The following SKI variants were observed in gnomAD, a reference collection of about 807,000 sequenced individuals.
SKI encodes the protein SKI proto-oncogene.
Under a neutral mutation model 59.3 loss-of-function variants are expected in SKI, and 23 were observed. That is an observed-to-expected ratio of 0.39 (90% CI 0.28 to 0.55). The LOEUF is 0.55. Among genes scored for constraint, SKI ranks in the 20% least tolerant of loss-of-function variants. The pLI, the probability that SKI is intolerant of heterozygous loss-of-function variation, is 0.67. For missense variants in SKI, 1,017 were observed against 1,038.9 expected, an observed-to-expected ratio of 0.98 and a Z score of 0.29; for synonymous variants, 673 against 488.6, an observed-to-expected ratio of 1.38 and a Z score of -4.98.
chr1:2,245,012 A>G (rs1260988166), intron 1 of SKI, among the ~76,000 whole-genome samples: 1 of 152,208 alleles, frequency 6.6e-6, no homozygotes, highest in African/African-American at 2.4e-5. Flanking sequence ...AGAACAGCTA[A>G]AACTGTAAAG....
At chr1:2,250,759 A>G (rs558312937) in intron 1 of SKI, among the ~76,000 whole-genome samples, 71 of 152,228 alleles carry the variant, frequency 4.7e-4, no homozygotes, top group Non-Finnish European at 9.1e-4. Flanking sequence ...CGCCCTCTTC[A>G]GTAGTTTACT....
chr1:2,256,779 A>G (rs892228955), intron 1 of SKI, among the ~76,000 whole-genome samples: 5 of 152,334 alleles, frequency 3.3e-5, no homozygotes, highest in African/African-American at 1.2e-4. Flanking sequence ...TGTGCCCTTC[A>G]GGAGCTTTCA....
rs528806895 is a variant in SKI, at chr1:2,269,010, A to G, written c.970-33968A>G. Among the ~76,000 whole-genome samples, 2 of 151,984 alleles carry G rather than the reference A, an allele frequency of 1.3e-5. No individual in the cohort carries two copies. Among genetic ancestry groups the G allele is most frequent in the African/African-American group, 4.8e-5 (2 of 41,418 alleles). ...TCTGTCACCCAGGCTGGAGTGCAGC[A>G]GCACAGTCTTGCGGCCTCAACCTTG... On this transcript the variant is annotated intron_variant, in intron 1 of 6. Transcript: ENST00000378536. This position sits in a 1 kb window ranked among gnomAD's most constrained non-coding sequence, Gnocchi z 4.7.
At chr1:2,306,332 G>A (rs1015449045) in intron 6 of SKI, 82 bp downstream of exon 6, 7 of 1,310,232 alleles carry the variant, frequency 5.3e-6, no homozygotes, top group South Asian at 1.5e-5. Flanking sequence ...CTGCCCAGCC[G>A]GAAAGGCCTT....
intron 1 of SKI, among the ~76,000 whole-genome samples, chr1:2,295,961 C>T (rs897736703): frequency 3.9e-5 from 6 of 152,100 alleles, no homozygotes; most frequent in Non-Finnish European, 5.9e-5. Flanking sequence ...AATTGCTGGG[C>T]GATGTAACTG....
Position 2,303,517 on chromosome 1 carries a change from C to A in SKI, c.1211+117C>A. 1 of 926,662 alleles carries A rather than the reference C, an allele frequency of 1.1e-6. No homozygotes were observed. The highest frequency in any genetic ancestry group is 1.7e-6 in the Non-Finnish European group (1 of 594,992). 57.4% of individuals were successfully genotyped at this position (926,662 alleles called of 1,614,324 possible). On this transcript the variant is annotated intron_variant, in intron 3 of 6. Transcript: ENST00000378536. The surrounding 1 kb of genome is among the most constrained non-coding windows in gnomAD (Gnocchi z 5.6). ...GTGCCCAGACCTGCCGCCTTTTGGTCAGGGCAGTCTCGGTGTTGGTTCCTT... is the reference window on the plus strand; with the variant it reads ...GTGCCCAGACCTGCCGCCTTTTGGTAAGGGCAGTCTCGGTGTTGGTTCCTT...
At chr1:2,263,530 C>T (rs561885902) in intron 1 of SKI, among the ~76,000 whole-genome samples, 1 of 151,766 alleles carries the variant, frequency 6.6e-6, no homozygotes, top group South Asian at 2.1e-4. Context: ...AGCCACTGCG[C>T]CTGCCAAGAA....
rs924682565 is a variant in SKI, at chr1:2,269,721, G to A, written c.970-33257G>A. 1.3e-5 allele frequency among the ~76,000 whole-genome samples: 2 copies of A among 152,240 alleles called. No homozygotes were observed. Among genetic ancestry groups the A allele is most frequent in the African/African-American group, 4.8e-5 (2 of 41,466 alleles). ...GACAGTGGGGACGTGGCTGTGCACCGGGCCCAGGGCTGGCAGGAGGCTGCT... is the reference window on the plus strand; with the variant it reads ...GACAGTGGGGACGTGGCTGTGCACCAGGCCCAGGGCTGGCAGGAGGCTGCT... On this transcript the variant is annotated intron_variant, in intron 1 of 6. Transcript: ENST00000378536. This position sits in a 1 kb window ranked among gnomAD's most constrained non-coding sequence, Gnocchi z 4.7.
intron 1 of SKI, among the ~76,000 whole-genome samples, chr1:2,231,062 A>G (rs1305426400): frequency 6.6e-6 from 1 of 152,106 alleles, no homozygotes; most frequent in Non-Finnish European, 1.5e-5. Context: ...CTGGGGAAGG[A>G]TGCTCGTGGC....
intron 1 of SKI, among the ~76,000 whole-genome samples, chr1:2,265,439 C>G (rs532563759): frequency 6.6e-6 from 1 of 152,264 alleles, no homozygotes; most frequent in African/African-American, 2.4e-5. Context: ...TGTTTCATCT[C>G]TAGAAGTTTG....
At chr1:2,243,349 G>T (rs1450693258) in intron 1 of SKI, among the ~76,000 whole-genome samples, 1 of 152,226 alleles carries the variant, frequency 6.6e-6, no homozygotes, top group Non-Finnish European at 1.5e-5. Flanking sequence ...CGTGCTCCTC[G>T]GCAGGGGGCC....
At chr1:2,259,252 G>A (rs1206461529) in intron 1 of SKI, among the ~76,000 whole-genome samples, 2 of 152,218 alleles carry the variant, frequency 1.3e-5, no homozygotes, top group Non-Finnish European at 2.9e-5. Flanking sequence ...GAGTAGGTGC[G>A]AGAGAGACCA....
At chr1:2,253,191 G>A (rs917739384) in intron 1 of SKI, among the ~76,000 whole-genome samples, 6 of 151,992 alleles carry the variant, frequency 3.9e-5, no homozygotes, top group Admixed American at 6.6e-5. Flanking sequence ...TCCAGCACCC[G>A]CCTGCAGCGC....
In SKI at chr1:2,306,565, G is replaced by T. The variant is rs989917230; in HGVS notation, c.1999-12G>T. 9 of 1,540,204 alleles carry T rather than the reference G, an allele frequency of 5.8e-6. No homozygotes were observed. The highest frequency in any genetic ancestry group is 4.8e-5 in the South Asian group (4 of 83,766). On this transcript the variant is annotated splice_polypyrimidine_tract_variant and intron_variant, in intron 6 of 6. Coordinates refer to ENST00000378536, the MANE Select transcript of SKI (RefSeq NM_003036.4). ...GCGAGCAGGCGCCGCTGACCACTCG[G>T]CTCCCTTTCAGATCGAAGACCTGCA...
chr1:2,239,838 A>T (rs1184289517), intron 1 of SKI, among the ~76,000 whole-genome samples: 1 of 152,194 alleles, frequency 6.6e-6, no homozygotes, highest in East Asian at 1.9e-4. Context: ...GTGCCTGGGC[A>T]GTGGCGCAGC....
At chr1:2,287,456 C>G (rs1472260521) in intron 1 of SKI, among the ~76,000 whole-genome samples, 1 of 151,754 alleles carries the variant, frequency 6.6e-6, no homozygotes, top group Non-Finnish European at 1.5e-5. Flanking sequence ...CCTGCCTCAG[C>G]CTCCCGAGTA....
chr1:2,295,955 G>C (rs1640275342), intron 1 of SKI, among the ~76,000 whole-genome samples: 2 of 152,174 alleles, frequency 1.3e-5, no homozygotes, highest in South Asian at 4.1e-4. Flanking sequence ...GACTGGAATT[G>C]CTGGGCGATG....
intron 1 of SKI, among the ~76,000 whole-genome samples, chr1:2,292,650 C>T (rs1488727534): frequency 6.6e-6 from 1 of 152,156 alleles, no homozygotes; most frequent in Admixed American, 6.5e-5. Context: ...GATGCGGTGC[C>T]CACCTGGGTG....
chr1:2,256,090 C>T (rs971118911), intron 1 of SKI, among the ~76,000 whole-genome samples: 2 of 151,242 alleles, frequency 1.3e-5, no homozygotes, highest in Non-Finnish European at 2.9e-5. Context: ...TGTGTACTGA[C>T]CTCATTTCCT....
Sources: allele counts gnomAD v4.1 joint callset (sites outside exome capture counted in the v4.1 genomes callset), GRCh38; gene constraint gnomAD v4.1.1; non-coding constraint Gnocchi (gnomAD v3.1); transcripts MANE v1.5; gene names NCBI Gene and HGNC (gene_info 2026-07-23, HGNC 2026-07-21).